The following NRXN3 variants were observed in gnomAD, a reference collection of about 807,000 sequenced individuals.
The protein encoded by NRXN3 is neurexin 3.
A neutral mutation model predicts 137.6 loss-of-function variants in NRXN3; 32 were observed. That is an observed-to-expected ratio of 0.23 (90% CI 0.18 to 0.31). The LOEUF is 0.31. NRXN3 is among the 10% of genes least tolerant of loss of function. The pLI, the probability that NRXN3 is intolerant of heterozygous loss-of-function variation, is 1.00. For missense variants in NRXN3, 1,574 were observed against 2,062.5 expected (o/e 0.76, Z 4.59); for synonymous variants, 798 against 784.5 (o/e 1.02, Z -0.29).
chr14:79,811,588 T>C (rs918811970), intron 20 of NRXN3, among the ~76,000 whole-genome samples: 18 of 140,234 alleles, frequency 1.3e-4, no homozygotes, highest in Admixed American at 1.2e-3. Flanking sequence ...TTTCTTTTTT[T>C]TTTTTTTTTT....
chr14:79,130,187 T>G (rs1489127377), intron 15 of NRXN3, among the ~76,000 whole-genome samples: 1 of 151,802 alleles, frequency 6.6e-6, no homozygotes, highest in African/African-American at 2.4e-5. Flanking sequence ...CATTTAAAGT[T>G]AATATTGTTA....
At chr14:79,477,025 G>T (rs947375992) in intron 16 of NRXN3, among the ~76,000 whole-genome samples, 2 of 152,032 alleles carry the variant, frequency 1.3e-5, no homozygotes, top group African/African-American at 4.8e-5. Flanking sequence ...TAGCCGGGGG[G>T]TAGAGGGGAA....
chr14:78,285,614 C>T (rs1367268418), intron 3 of NRXN3, among the ~76,000 whole-genome samples: 1 of 152,130 alleles, frequency 6.6e-6, no homozygotes, highest in East Asian at 1.9e-4. Context: ...ACAACTGTGC[C>T]CTCTTAGCCT....
chr14:78,908,908 G>A (rs574880298), intron 10 of NRXN3, among the ~76,000 whole-genome samples: 2 of 152,236 alleles, frequency 1.3e-5, no homozygotes, highest in Admixed American at 1.3e-4. Flanking sequence ...AGATCTTAAA[G>A]ATGAAGCCTA....
intron 4 of NRXN3, among the ~76,000 whole-genome samples, chr14:78,398,057 A>G (rs2091672492): frequency 6.6e-6 from 1 of 151,330 alleles, no homozygotes; most frequent in South Asian, 2.1e-4. Flanking sequence ...TCTACTAAAA[A>G]TACAAAATTA....
intron 16 of NRXN3, among the ~76,000 whole-genome samples, chr14:79,500,586 TAAC>T (rs959910723): frequency 6.6e-6 from 1 of 152,212 alleles, no homozygotes; most frequent in Non-Finnish European, 1.5e-5. Context: ...CTTTCCCATC[TAAC>T]AATACTCACC....
At chr14:78,832,087 T>C (rs1456083473) in intron 10 of NRXN3, among the ~76,000 whole-genome samples, 2 of 151,966 alleles carry the variant, frequency 1.3e-5, no homozygotes, top group African/African-American at 4.8e-5. Context: ...TCCTTGAATA[T>C]TTCCTACTAA....
intron 10 of NRXN3, among the ~76,000 whole-genome samples, chr14:78,846,328 T>C (rs1318353121): frequency 6.6e-6 from 1 of 152,114 alleles, no homozygotes; most frequent in African/African-American, 2.4e-5. Flanking sequence ...CTCCTGGGAT[T>C]CTGAAAGCTG....
chr14:79,369,065 G>T (rs539768770), intron 15 of NRXN3, among the ~76,000 whole-genome samples: 3 of 152,134 alleles, frequency 2.0e-5, no homozygotes, highest in African/African-American at 4.8e-5. Context: ...CAAAAACTAC[G>T]TGCAAACAGA....
chr14:79,371,092 G>C (rs1416583219), intron 15 of NRXN3, among the ~76,000 whole-genome samples: 1 of 152,116 alleles, frequency 6.6e-6, no homozygotes, highest in Non-Finnish European at 1.5e-5. Context: ...TGTTCTAACT[G>C]TTCCAGGTAT....
intron 2 of NRXN3, among the ~76,000 whole-genome samples, chr14:78,256,873 ATC>A (rs2069718314): frequency 1.3e-5 from 2 of 152,198 alleles, no homozygotes; most frequent in African/African-American, 4.8e-5. Flanking sequence ...ATCTACCTTT[ATC>A]TCTCTTTAAT....
intron 16 of NRXN3, among the ~76,000 whole-genome samples, chr14:79,558,943 C>T (rs748800407): frequency 1.3e-5 from 2 of 152,154 alleles, no homozygotes; most frequent in African/African-American, 4.8e-5. Context: ...ATGGAGGTGA[C>T]TTCTTTCCTT....
At chr14:79,603,016 C>G (rs1394586324) in intron 16 of NRXN3, among the ~76,000 whole-genome samples, 1 of 152,178 alleles carries the variant, frequency 6.6e-6, no homozygotes, top group Non-Finnish European at 1.5e-5. Context: ...CACCTCTCAA[C>G]TGATCAACCA....
At chr14:79,131,715 G>C (rs1360862842) in intron 15 of NRXN3, among the ~76,000 whole-genome samples, 3 of 152,226 alleles carry the variant, frequency 2.0e-5, no homozygotes, top group Non-Finnish European at 2.9e-5. Context: ...CCCAGTTGGA[G>C]CTTCCTGGCT....
chr14:79,430,157 T>C (rs749117842), intron 15 of NRXN3, among the ~76,000 whole-genome samples: 35 of 152,202 alleles, frequency 2.3e-4, no homozygotes, highest in Non-Finnish European at 4.6e-4. Context: ...GAAATTGTCC[T>C]CGACAGAATA....
At chr14:78,378,498 AAAAAAATC>A (rs2088354541) in intron 4 of NRXN3, among the ~76,000 whole-genome samples, 1 of 152,118 alleles carries the variant, frequency 6.6e-6, no homozygotes, top group Admixed American at 6.6e-5. Flanking sequence ...AAAAAAAAAA[AAAAAAATC>A]AAATCATTAA....
intron 15 of NRXN3, among the ~76,000 whole-genome samples, chr14:79,339,557 A>C (rs1430806667): frequency 6.6e-6 from 1 of 152,242 alleles, no homozygotes; most frequent in Non-Finnish European, 1.5e-5. Flanking sequence ...CTGCATTAGC[A>C]TCACCTGAGA....
At chr14:79,237,942 A>G (rs1275077488) in intron 15 of NRXN3, among the ~76,000 whole-genome samples, 5 of 152,202 alleles carry the variant, frequency 3.3e-5, no homozygotes, top group African/African-American at 1.2e-4. Context: ...GTGAAGGTTT[A>G]TGATAATGCT....
chr14:78,898,762 A>G (rs1045630790), intron 10 of NRXN3, among the ~76,000 whole-genome samples: 1 of 152,020 alleles, frequency 6.6e-6, no homozygotes, highest in East Asian at 1.9e-4. Flanking sequence ...CTTGATAATT[A>G]TATAAGAAAC....
Sources: gnomAD v4.1 joint callset for allele counts (sites outside exome capture counted in the v4.1 genomes callset) on GRCh38, gnomAD v4.1.1 for gene constraint, MANE v1.5 for transcripts, NCBI Gene and HGNC (gene_info 2026-07-23, HGNC 2026-07-21) for gene names.